SGCZ: variants seen among roughly 807,000 people sequenced by gnomAD.
SGCZ encodes the protein zeta-sarcoglycan.
In SGCZ, 40 loss-of-function variants were observed where a neutral mutation model predicts 41.3. The ratio of observed to expected loss-of-function variants is 0.97; its 90% CI spans 0.75 to 1.26. The LOEUF (loss-of-function observed/expected upper bound fraction) is 1.26, where lower values mean the gene tolerates loss of function less well. Among genes scored for constraint, SGCZ ranks in the 50% most tolerant of loss-of-function variants. The pLI is 0.00. For missense variants in SGCZ, 552 were observed against 369.8 expected (o/e 1.49, Z -4.04); for synonymous variants, 206 against 137.5 (o/e 1.50, Z -3.49).
chr8:14,361,693 A>G (rs2117134510), intron 2 of SGCZ, among the ~76,000 whole-genome samples: 1 of 152,094 alleles, frequency 6.6e-6, no homozygotes, highest in Admixed American at 6.5e-5. Context: ...AACTTGTCAA[A>G]CCCATTCTCC....
intron 3 of SGCZ, among the ~76,000 whole-genome samples, chr8:14,293,179 G>A (rs956572757): frequency 2.6e-5 from 4 of 151,974 alleles, no homozygotes; most frequent in African/African-American, 4.8e-5. Flanking sequence ...AAAAGAATAT[G>A]TGATAAATCA....
chr8:14,764,504 G>C (rs73199287), intron 1 of SGCZ, among the ~76,000 whole-genome samples: 2,545 of 151,828 alleles, frequency 0.017, 33 homozygotes, highest in Middle Eastern at 0.034. Flanking sequence ...CACCTACACA[G>C]TATTCTTGCC....
intron 4 of SGCZ, among the ~76,000 whole-genome samples, chr8:14,217,713 T>A (rs1806050426): frequency 1.4e-5 from 2 of 144,044 alleles, no homozygotes; most frequent in South Asian, 4.5e-4. Flanking sequence ...CACTGCAACG[T>A]CTCACTCCTG....
At chr8:14,119,025 G>C (rs1798167373) in intron 5 of SGCZ, among the ~76,000 whole-genome samples, 2 of 152,080 alleles carry the variant, frequency 1.3e-5, no homozygotes, top group African/African-American at 4.8e-5. Context: ...TTTTTACTTA[G>C]GATTGTCTTG....
At chr8:14,538,577 A>G in intron 2 of SGCZ, among the ~76,000 whole-genome samples, 1 of 151,974 alleles carries the variant, frequency 6.6e-6, no homozygotes, top group East Asian at 1.9e-4. Flanking sequence ...CTTTCTATGG[A>G]GAAAGTGTCA....
chr8:14,157,869 A>G (rs1311738111), intron 5 of SGCZ, among the ~76,000 whole-genome samples: 1 of 152,160 alleles, frequency 6.6e-6, no homozygotes, highest in Non-Finnish European at 1.5e-5. Context: ...CTGATTTCCT[A>G]TAGATCATGA....
At chr8:14,582,586 T>C (rs1041301072) in intron 1 of SGCZ, among the ~76,000 whole-genome samples, 4 of 150,494 alleles carry the variant, frequency 2.7e-5, no homozygotes, top group African/African-American at 1.0e-4. Flanking sequence ...TGTATACATG[T>C]GCCATGCTGG....
intron 1 of SGCZ, among the ~76,000 whole-genome samples, chr8:14,954,931 T>G (rs1800747895): frequency 6.6e-6 from 1 of 152,216 alleles, no homozygotes; most frequent in African/African-American, 2.4e-5. Context: ...AGCTTATAAT[T>G]CAAGTTATTG....
chr8:14,889,564 C>T (rs999394518), intron 1 of SGCZ, among the ~76,000 whole-genome samples: 3 of 151,752 alleles, frequency 2.0e-5, no homozygotes, highest in Non-Finnish European at 2.9e-5. Context: ...TTGACTTGGA[C>T]TCAAAATTCT....
chr8:14,834,927 T>C (rs1021556918), intron 1 of SGCZ, among the ~76,000 whole-genome samples: 1 of 152,152 alleles, frequency 6.6e-6, no homozygotes, highest in Admixed American at 6.6e-5. Flanking sequence ...TTTAGCAACA[T>C]CTTCAGAACT....
At chr8:14,665,967 A>C (rs914183588) in intron 1 of SGCZ, among the ~76,000 whole-genome samples, 3 of 152,204 alleles carry the variant, frequency 2.0e-5, no homozygotes, top group African/African-American at 7.2e-5. Context: ...ATTTGAGGAA[A>C]AATTGAACGT....
chr8:14,955,134 T>A (rs539100123), intron 1 of SGCZ, among the ~76,000 whole-genome samples: 1 of 152,234 alleles, frequency 6.6e-6, no homozygotes, highest in East Asian at 1.9e-4. Flanking sequence ...TCCTTGTAGT[T>A]TTATTGGCCA....
At chr8:14,378,392 C>G (rs1021234979) in intron 2 of SGCZ, among the ~76,000 whole-genome samples, 3 of 152,178 alleles carry the variant, frequency 2.0e-5, no homozygotes, top group East Asian at 3.9e-4. Flanking sequence ...GTCTAAAACA[C>G]CAAAAGCAAT....
intron 1 of SGCZ, among the ~76,000 whole-genome samples, chr8:14,797,029 A>G (rs760060538): frequency 1.3e-5 from 2 of 152,178 alleles, no homozygotes; most frequent in African/African-American, 2.4e-5. Context: ...TAAATTACCC[A>G]GTCTCAGGTA....
chr8:15,227,751 A>G (rs192113484), intron 1 of SGCZ, among the ~76,000 whole-genome samples: 1 of 152,328 alleles, frequency 6.6e-6, no homozygotes, highest in East Asian at 1.9e-4. Flanking sequence ...CATGTTGCAA[A>G]ACACTGAAGT....
intron 1 of SGCZ, among the ~76,000 whole-genome samples, chr8:14,861,779 A>C (rs4602887): frequency 0.71 from 107,609 of 151,832 alleles, 38,928 homozygotes; most frequent in African/African-American, 0.84. Context: ...AAGCTTCCCA[A>C]CATCGAGATA....
chr8:15,196,849 G>C (rs1046924109), intron 1 of SGCZ, among the ~76,000 whole-genome samples: 1 of 152,186 alleles, frequency 6.6e-6, no homozygotes, highest in Non-Finnish European at 1.5e-5. Flanking sequence ...GCCGCATTCA[G>C]CTGCCAGGTG....
At chr8:14,619,637 T>C (rs1349186153) in intron 1 of SGCZ, among the ~76,000 whole-genome samples, 2 of 152,154 alleles carry the variant, frequency 1.3e-5, no homozygotes, top group Non-Finnish European at 2.9e-5. Context: ...GGCATTCTTA[T>C]ACACCAAGAG....
chr8:15,198,432 T>C (rs1006027705), intron 1 of SGCZ, among the ~76,000 whole-genome samples: 1 of 152,130 alleles, frequency 6.6e-6, no homozygotes, highest in African/African-American at 2.4e-5. Context: ...GTCTATCCTA[T>C]ACTACTCATT....
Sources: gnomAD v4.1 joint callset for allele counts (sites outside exome capture counted in the v4.1 genomes callset) on GRCh38, gnomAD v4.1.1 for gene constraint, MANE v1.5 for transcripts, NCBI Gene and HGNC (gene_info 2026-07-23, HGNC 2026-07-21) for gene names.